NEO1: variants seen among roughly 807,000 people sequenced by gnomAD.
The protein encoded by NEO1 is neogenin.
Under a neutral mutation model 159.7 loss-of-function variants are expected in NEO1, and 63 were observed. That is an observed-to-expected ratio of 0.39 (90% CI 0.32 to 0.49). The LOEUF (loss-of-function observed/expected upper bound fraction) is 0.49, where lower values mean the gene tolerates loss of function less well. Among genes scored for constraint, NEO1 ranks in the 20% least tolerant of loss-of-function variants. NEO1 has a pLI of 0.85. For missense variants in NEO1, 1,615 were observed against 1,831.0 expected (o/e 0.88, Z 2.15); for synonymous variants, 633 against 662.0 (o/e 0.96, Z 0.67).
chr15:73,112,949 A>G (rs965605056), intron 1 of NEO1, among the ~76,000 whole-genome samples: 4 of 152,138 alleles, frequency 2.6e-5, no homozygotes, highest in Admixed American at 6.5e-5. Context: ...AGTAACATTT[A>G]TTGAGTAGTT....
In NEO1 at chr15:73,176,457, A is replaced by C. The variant is rs1409050140; in HGVS notation, c.1070A>C (p.Asp357Ala). ...PTNIYAHESM[D>A]IVFECEVTGK... ...AATATATATGCTCACGAATCTATGG[A>C]TATTGTATTTGAATGTGAAGTGACT... The change falls in exon 6 of 29, where the codon GAT becomes GCT. Residue 357 changes from aspartate (D) to alanine (A), a missense_variant. Around this residue, in one of 3 missense-constraint regions of NEO1, gnomAD observed 1,018 missense variants for 1,115.4 expected, o/e 0.91. Coordinates refer to ENST00000261908, the MANE Select transcript of NEO1 (RefSeq NM_002499.4). 3 of 1,610,058 alleles carry C rather than the reference A, an allele frequency of 1.9e-6. No homozygotes were observed. The highest frequency in any genetic ancestry group is 2.5e-6 in the Non-Finnish European group (3 of 1,177,814).
Position 73,254,748 on chromosome 15 carries a change from A to G in NEO1, c.2011A>G (p.Ile671Val). Residue 671 changes from isoleucine to valine, a missense_variant, in exon 13 of 29, where the codon ATT becomes GTT. This residue lies in a region of NEO1 where 1,018 missense variants were observed against 1,115.4 expected (regional missense o/e 0.91). Transcript: ENST00000261908. ...TQNGQITGYK[I>V]RYRKASRKSD... ...AAATGGGCAGATTACTGGCTACAAG[A>G]TTCGCTACCGAAAGGCCTCCCGAAA... The G allele has an allele frequency of 1.9e-6, 3 of 1,614,140 alleles. No homozygotes were observed. Among genetic ancestry groups the G allele is most frequent in the South Asian group, 2.2e-5 (2 of 91,080 alleles).
chr15:73,169,878 G>A (rs1312237063), intron 5 of NEO1, among the ~76,000 whole-genome samples: 2 of 151,776 alleles, frequency 1.3e-5, no homozygotes, highest in African/African-American at 4.8e-5. Flanking sequence ...GTGGGTGTGG[G>A]TATGTGCTTA....
At position 73,283,891 on chromosome 15, in the gene NEO1, C is replaced by T. The variant is rs549147575; in HGVS notation, c.3410+780C>T. 9.3e-4 allele frequency among the ~76,000 whole-genome samples: 141 copies of T among 152,250 alleles called. 1 individual carries two copies. Among genetic ancestry groups the T allele is most frequent in the African/African-American group, 3.3e-3 (137 of 41,534 alleles). ...GTTTAAGAATATTTTTAAAGAATTGCTACCAAGTGTAGAGTTGGGGGTGGG... is the reference window on the plus strand; with the variant it reads ...GTTTAAGAATATTTTTAAAGAATTGTTACCAAGTGTAGAGTTGGGGGTGGG... On this transcript the variant is annotated intron_variant, in intron 23 of 28. Transcript: ENST00000261908.
rs543424959 is a variant in NEO1 at position 73,213,415 on chromosome 15, C to T, written c.1292-22932C>T. On this transcript the variant is annotated intron_variant, in intron 7 of 28. Transcript: ENST00000261908. ...ACCATATTTGTAGTCTTTTGTCCCT[C>T]GCCTCCCTCCCACCATTCTCCCCAA... is the stretch of plus-strand genomic sequence containing the variant. Among the ~76,000 whole-genome samples, 148 of 152,256 alleles carry T rather than the reference C, an allele frequency of 9.7e-4. 1 individual carries two copies. Among genetic ancestry groups the T allele is most frequent in the Non-Finnish European group, 3.1e-4 (21 of 68,016 alleles).
At position 73,205,226 on chromosome 15, in the gene NEO1, C is replaced by T. The variant is rs142202311; in HGVS notation, c.1291+26799C>T. 1.4e-4 allele frequency among the ~76,000 whole-genome samples: 22 copies of T among 152,264 alleles called. No individual in the cohort carries two copies. The East Asian group carries it at 4.1e-3, about 28-fold the overall frequency. ...TCTCCAGTAGTACAGCTTTCTTCCC[C>T]CTGTTCCCTATTCCCTTTCCCATCT... On this transcript the variant is annotated intron_variant, in intron 7 of 28. Coordinates refer to ENST00000261908, the MANE Select transcript of NEO1 (RefSeq NM_002499.4).
chr15:73,212,645 C>A (rs1043912542), intron 7 of NEO1, among the ~76,000 whole-genome samples: 2 of 151,978 alleles, frequency 1.3e-5, no homozygotes, highest in Non-Finnish European at 2.9e-5. Flanking sequence ...ATTTCCACTT[C>A]TAGCAATTTG....
chr15:73,148,724 A>G (rs995535104), intron 5 of NEO1, among the ~76,000 whole-genome samples: 1 of 152,228 alleles, frequency 6.6e-6, no homozygotes, highest in African/African-American at 2.4e-5. Flanking sequence ...AATAACTGAC[A>G]AAAAGCTAAA....
intron 12 of NEO1, among the ~76,000 whole-genome samples, chr15:73,253,755 AT>A: frequency 6.6e-6 from 1 of 152,270 alleles, no homozygotes; most frequent in Non-Finnish European, 1.5e-5. Context: ...CTGCAATTAA[AT>A]TGCTCTTTTT....
At chr15:73,220,939 C>G (rs1242760038) in intron 7 of NEO1, among the ~76,000 whole-genome samples, 3 of 152,240 alleles carry the variant, frequency 2.0e-5, no homozygotes, top group Non-Finnish European at 4.4e-5. Flanking sequence ...CAAAGTCATT[C>G]TCTATCCAGC....
intron 5 of NEO1, among the ~76,000 whole-genome samples, chr15:73,164,114 GCCTCCCATGTT>G (rs1306042151): frequency 2.7e-5 from 4 of 149,032 alleles, no homozygotes; most frequent in African/African-American, 9.9e-5. Context: ...TGCAACCTCT[GCCTCCCATGTT>G]CAAGCGATTC....
At chr15:73,238,952 G>A (rs140009934) in intron 8 of NEO1, among the ~76,000 whole-genome samples, 4 of 152,168 alleles carry the variant, frequency 2.6e-5, no homozygotes, top group East Asian at 1.9e-4. Context: ...AGGTTCCAGC[G>A]ATTCTCCTGC....
At chr15:73,159,939 T>C (rs2034052460) in intron 5 of NEO1, among the ~76,000 whole-genome samples, 1 of 152,210 alleles carries the variant, frequency 6.6e-6, no homozygotes, top group Non-Finnish European at 1.5e-5. Flanking sequence ...GCATATTACT[T>C]ACATGAGTGA....
At chr15:73,186,538 T>C (rs2035939613) in intron 7 of NEO1, among the ~76,000 whole-genome samples, 1 of 152,136 alleles carries the variant, frequency 6.6e-6, no homozygotes, top group Non-Finnish European at 1.5e-5. Context: ...GATTAATTGC[T>C]TTAAGAGATA....
intron 15 of NEO1, among the ~76,000 whole-genome samples, chr15:73,265,915 C>T (rs1186121469): frequency 6.6e-6 from 1 of 152,234 alleles, no homozygotes; most frequent in South Asian, 2.1e-4. Flanking sequence ...TCTTCTCTAC[C>T]TTGTCTGTTC....
chr15:73,217,265 CTCTGT>C (rs1356552382), intron 7 of NEO1, among the ~76,000 whole-genome samples: 10 of 150,558 alleles, frequency 6.6e-5, no homozygotes, highest in Non-Finnish European at 1.5e-4. Context: ...TTTCTGAGGG[CTCTGT>C]TCTGTTCCAT....
At chr15:73,279,629 G>A (rs147372113) in intron 22 of NEO1, among the ~76,000 whole-genome samples, 11 of 152,230 alleles carry the variant, frequency 7.2e-5, no homozygotes, top group Admixed American at 1.3e-4. Context: ...GATTACAGGC[G>A]TGAGCCACCA....
At chr15:73,296,480 AC>A (rs1314523550) in intron 26 of NEO1, among the ~76,000 whole-genome samples, 1 of 152,156 alleles carries the variant, frequency 6.6e-6, no homozygotes, top group Non-Finnish European at 1.5e-5. Context: ...GGGAGGGTGT[AC>A]GAGTCCCTCA....
At chr15:73,061,618 AAAGTT>A (rs2067983204) in intron 1 of NEO1, among the ~76,000 whole-genome samples, 1 of 152,256 alleles carries the variant, frequency 6.6e-6, no homozygotes, top group Non-Finnish European at 1.5e-5. Flanking sequence ...ATTTGGGGGT[AAAGTT>A]AATTGTTGAA....
Sources: gnomAD v4.1 joint callset for allele counts (sites outside exome capture counted in the v4.1 genomes callset) on GRCh38, gnomAD v4.1.1 for gene constraint, gnomAD v4.1.1 regional missense constraint, MANE v1.5 for transcripts, NCBI Gene and HGNC (gene_info 2026-07-23, HGNC 2026-07-21) for gene names.